Variants in CAMKMT observed in about 807,000 individuals in gnomAD.
CAMKMT encodes the protein CaM KMT.
A neutral mutation model predicts 48.0 loss-of-function variants in CAMKMT; 53 were observed. The ratio of observed to expected loss-of-function variants is 1.10; its 90% CI spans 0.89 to 1.39. CAMKMT has a LOEUF of 1.39. Ranked by LOEUF, CAMKMT falls within the 40% of genes most tolerant of loss-of-function variation. The pLI, the probability that CAMKMT is intolerant of heterozygous loss-of-function variation, is 0.00. For synonymous variants in CAMKMT, 165 were observed against 152.3 expected (o/e 1.08, Z -0.61); for missense variants, 428 against 402.7 (o/e 1.06, Z -0.54).
intron 3 of CAMKMT, among the ~76,000 whole-genome samples, chr2:44,408,712 C>T (rs745878546): frequency 2.0e-5 from 3 of 151,892 alleles, no homozygotes; most frequent in Non-Finnish European, 2.9e-5. Flanking sequence ...CAGAAACATC[C>T]AATCAAGAAG....
intron 3 of CAMKMT, among the ~76,000 whole-genome samples, chr2:44,418,712 T>A (rs1377497495): frequency 6.6e-6 from 1 of 152,222 alleles, no homozygotes; most frequent in Non-Finnish European, 1.5e-5. Context: ...TCAAAATTGT[T>A]TTGTCCATTC....
intron 3 of CAMKMT, among the ~76,000 whole-genome samples, chr2:44,621,986 A>G (rs1672221540): frequency 6.6e-6 from 1 of 152,192 alleles, no homozygotes; most frequent in Non-Finnish European, 1.5e-5. Context: ...AAGGTGATGG[A>G]TTAGATGTGA....
At chr2:44,663,674 A>G (rs147420450) in intron 3 of CAMKMT, among the ~76,000 whole-genome samples, 109 of 152,212 alleles carry the variant, frequency 7.2e-4, no homozygotes, top group African/African-American at 2.5e-3. Context: ...GCCTATTCTC[A>G]TGGGGTTTTA....
chr2:44,555,990 AG>A (rs1423687503), intron 3 of CAMKMT, among the ~76,000 whole-genome samples: 1 of 152,190 alleles, frequency 6.6e-6, no homozygotes, highest in African/African-American at 2.4e-5. Flanking sequence ...TGGGAGGAGC[AG>A]AAGTATAGCT....
intron 3 of CAMKMT, among the ~76,000 whole-genome samples, chr2:44,672,580 G>A (rs1675395213): frequency 6.6e-6 from 1 of 152,120 alleles, no homozygotes; most frequent in South Asian, 2.1e-4. Context: ...CATGAGCAGA[G>A]CACCTATTCA....
In CAMKMT at chr2:44,592,208, T is replaced by TATA. The variant is rs1553421470; in HGVS notation, c.377-112061_377-112059dup. 4.0e-5 allele frequency among the ~76,000 whole-genome samples: 6 copies of TATA among 151,742 alleles called. No homozygotes were observed. The South Asian group carries it at 6.2e-4, about 16-fold the overall frequency. ...TGCACATGTACCCTAAAACTTAAAG[T>TATA]ATAATAATAATAATAAATAAATAAA... is the stretch of plus-strand genomic sequence containing the variant. On this transcript the variant is annotated intron_variant, in intron 3 of 10. Transcript: ENST00000378494.
intron 1 of CAMKMT, among the ~76,000 whole-genome samples, chr2:44,363,467 T>A (rs1019936409): frequency 3.3e-5 from 5 of 150,988 alleles, no homozygotes; most frequent in African/African-American, 1.2e-4. Flanking sequence ...AACCTCCGCC[T>A]CTAGGGTTCA....
chr2:44,503,688 C>T (rs1670113889), intron 3 of CAMKMT, among the ~76,000 whole-genome samples: 1 of 152,098 alleles, frequency 6.6e-6, no homozygotes. Flanking sequence ...TGAAGTCTGT[C>T]CAAACCCAGT....
At position 44,427,158 on chromosome 2, in the gene CAMKMT, C is replaced by T. The variant is rs1291173378; in HGVS notation, c.376+36853C>T. ...ACCTCTGACCATATACAAAAACTAA[C>T]TTAAGATGGATTAAAGATTTAAATA... On this transcript the variant is annotated intron_variant, in intron 3 of 10. Transcript: ENST00000378494. Among the ~76,000 whole-genome samples, 7 of 152,228 alleles carry T rather than the reference C, an allele frequency of 4.6e-5. No homozygotes were observed. The East Asian group carries it at 1.4e-3, about 29-fold the overall frequency.
chr2:44,716,625 G>A (rs948916603), intron 7 of CAMKMT, among the ~76,000 whole-genome samples: 1 of 152,160 alleles, frequency 6.6e-6, no homozygotes, highest in African/African-American at 2.4e-5. Flanking sequence ...TTGAGAGAAA[G>A]AGAAAGGGTC....
At chr2:44,631,707 A>G in intron 3 of CAMKMT, 2 of 393,358 alleles carry the variant, frequency 5.1e-6, no homozygotes, top group Admixed American at 4.4e-5. Context: ...GAATTTAATT[A>G]TTGATATGGT....
intron 3 of CAMKMT, among the ~76,000 whole-genome samples, chr2:44,690,953 G>T (rs1676620119): frequency 6.6e-6 from 1 of 151,862 alleles, no homozygotes; most frequent in African/African-American, 2.4e-5. Flanking sequence ...TCCAGCCTGG[G>T]CAACAAAGTG....
chr2:44,444,564 G>A (rs1666866737), intron 3 of CAMKMT, among the ~76,000 whole-genome samples: 1 of 152,160 alleles, frequency 6.6e-6, no homozygotes, highest in Non-Finnish European at 1.5e-5. Flanking sequence ...TTCTAAATGT[G>A]TATAAGCCAC....
At chr2:44,713,626 A>G (rs532917625) in intron 6 of CAMKMT, among the ~76,000 whole-genome samples, 3 of 152,264 alleles carry the variant, frequency 2.0e-5, no homozygotes, top group African/African-American at 4.8e-5. Context: ...TTTAATTTGC[A>G]TACAGGAAAG....
chr2:44,680,955 G>A (rs566336052), intron 3 of CAMKMT, among the ~76,000 whole-genome samples: 18 of 152,298 alleles, frequency 1.2e-4, no homozygotes, highest in African/African-American at 4.1e-4. Flanking sequence ...GGTGACCTGC[G>A]CTAAGCCTTT....
At chr2:44,724,643 A>AT (rs199943733) in intron 7 of CAMKMT, among the ~76,000 whole-genome samples, 1,595 of 152,210 alleles carry the variant, frequency 0.01, 26 homozygotes, top group African/African-American at 0.037. Flanking sequence ...TAGAAGAGGC[A>AT]TTTTTTCACT....
intron 9 of CAMKMT, among the ~76,000 whole-genome samples, chr2:44,764,379 A>C (rs779480525): frequency 1.6e-5 from 2 of 122,748 alleles, no homozygotes; most frequent in Non-Finnish European, 1.8e-5. Flanking sequence ...CTAATCTTAC[A>C]TCAGTATAAT....
At chr2:44,649,400 A>ATG (rs1312516498) in intron 3 of CAMKMT, among the ~76,000 whole-genome samples, 3 of 152,020 alleles carry the variant, frequency 2.0e-5, no homozygotes, top group African/African-American at 7.2e-5. Flanking sequence ...GAAGTTGGAT[A>ATG]ATTGCAATAT....
intron 2 of CAMKMT, among the ~76,000 whole-genome samples, chr2:44,374,117 CAAAAA>C (rs59922847): frequency 3.0e-5 from 2 of 66,386 alleles, no homozygotes; most frequent in Non-Finnish European, 5.5e-5. Flanking sequence ...GACTCTGCCT[CAAAAA>C]AAAAAAAAAA....
Sources: gnomAD v4.1 joint callset for allele counts (sites outside exome capture counted in the v4.1 genomes callset) on GRCh38, gnomAD v4.1.1 for gene constraint, MANE v1.5 for transcripts, NCBI Gene and HGNC (gene_info 2026-07-23, HGNC 2026-07-21) for gene names.